Variants in KLHL32 observed in about 807,000 individuals in gnomAD.
KLHL32 encodes the protein kelch-like protein 32.
KLHL32 carries 35 observed loss-of-function variants against 64.8 expected under a neutral mutation model. The observed-to-expected ratio is 0.54, with a 90% CI of 0.41 to 0.72. The LOEUF (loss-of-function observed/expected upper bound fraction) is 0.72, where lower values mean the gene tolerates loss of function less well. KLHL32 is among the 30% of genes least tolerant of loss of function. The probability of loss-of-function intolerance (pLI) is 0.00; values close to 1 mark genes in which losing one functional copy is unlikely to be tolerated. For missense variants in KLHL32, 589 were observed against 768.5 expected (o/e 0.77, Z 2.76); for synonymous variants, 259 against 281.0 (o/e 0.92, Z 0.78).
intron 3 of KLHL32, among the ~76,000 whole-genome samples, chr6:96,988,758 G>T (rs1253098705): frequency 6.6e-6 from 1 of 152,158 alleles, no homozygotes; most frequent in Non-Finnish European, 1.5e-5. Context: ...TATACACCAT[G>T]GAATACTATG....
intron 4 of KLHL32, among the ~76,000 whole-genome samples, chr6:97,050,307 AC>A (rs1197065526): frequency 6.6e-6 from 1 of 152,200 alleles, no homozygotes; most frequent in African/African-American, 2.4e-5. Context: ...GGATGTTGAG[AC>A]TGATAATGCC....
At chr6:97,077,767 A>G (rs1029312928) in intron 5 of KLHL32, among the ~76,000 whole-genome samples, 1 of 152,186 alleles carries the variant, frequency 6.6e-6, no homozygotes, top group African/African-American at 2.4e-5. Flanking sequence ...AAAGTCATAG[A>G]TGTGCCTCAC....
At chr6:96,991,107 G>C (rs1478573767) in intron 3 of KLHL32, among the ~76,000 whole-genome samples, 2 of 151,962 alleles carry the variant, frequency 1.3e-5, no homozygotes, top group African/African-American at 4.8e-5. Flanking sequence ...CCTTATGGCG[G>C]TTTTGGTGCT....
rs751246743 is a variant in KLHL32 at position 97,041,616 on chromosome 6, G to A, written c.312+17G>A. ...ACAGGACAGGTATGGTATTAAATGT[G>A]ATCTGTAAAGTTTAACATTTCAACT... On this transcript the variant is annotated intron_variant, in intron 4 of 10. Coordinates refer to ENST00000369261, the MANE Select transcript of KLHL32 (RefSeq NM_052904.4). 1 of 1,449,234 alleles carries A rather than the reference G, an allele frequency of 6.9e-7. No individual in the cohort carries two copies. The highest frequency in any genetic ancestry group is 1.1e-5 in the South Asian group (1 of 87,168). The allele number at this position is 1,449,234 out of a possible 1,614,324, so 89.8% of individuals were successfully genotyped here. A position where few individuals can be genotyped will look rare whatever the true frequency, so the allele number is the denominator to read the frequency against.
intron 9 of KLHL32, 101 bp downstream of exon 9, chr6:97,131,050 A>G: frequency 4.2e-6 from 4 of 957,778 alleles, no homozygotes; most frequent in Non-Finnish European, 6.3e-6. Flanking sequence ...TTAAGTGCAT[A>G]GTTGTAGAAG....
chr6:97,023,718 C>T (rs1782326014), intron 3 of KLHL32, among the ~76,000 whole-genome samples: 1 of 152,198 alleles, frequency 6.6e-6, no homozygotes, highest in Admixed American at 6.5e-5. Context: ...ATCCAGCTGG[C>T]CTAGTTCTAC....
chr6:97,040,992 C>G (rs887583255), intron 3 of KLHL32, among the ~76,000 whole-genome samples: 1 of 152,186 alleles, frequency 6.6e-6, no homozygotes, highest in Non-Finnish European at 1.5e-5. Flanking sequence ...AAACCTCTTT[C>G]CTTTATAAGT....
At chr6:96,976,213 A>T in intron 3 of KLHL32, 36 bp downstream of exon 3, 1 of 1,493,150 alleles carries the variant, frequency 6.7e-7, no homozygotes. Flanking sequence ...TAAAATATTG[A>T]TAAAGAGAGG....
intron 3 of KLHL32, among the ~76,000 whole-genome samples, chr6:96,986,855 G>A (rs950227504): frequency 6.6e-6 from 1 of 152,294 alleles, no homozygotes; most frequent in African/African-American, 2.4e-5. Flanking sequence ...TTCAGCTCAT[G>A]CTTGGTGCAC....
chr6:97,094,373 C>G (rs1040218999), intron 6 of KLHL32, among the ~76,000 whole-genome samples: 23 of 152,256 alleles, frequency 1.5e-4, no homozygotes, highest in African/African-American at 5.3e-4. Flanking sequence ...TACTGACTTC[C>G]TTAGAAGTGC....
chr6:96,933,972 CTG>C (rs1396417714), intron 1 of KLHL32, among the ~76,000 whole-genome samples: 1 of 152,206 alleles, frequency 6.6e-6, no homozygotes, highest in Non-Finnish European at 1.5e-5. Flanking sequence ...CTTCAGAACT[CTG>C]TGCCTAAGTC....
intron 6 of KLHL32, among the ~76,000 whole-genome samples, chr6:97,109,388 C>G (rs1023510428): frequency 1.4e-4 from 21 of 152,090 alleles, no homozygotes; most frequent in African/African-American, 4.3e-4. Flanking sequence ...AAAATGCAAA[C>G]TAATAGTTAT....
intron 9 of KLHL32, among the ~76,000 whole-genome samples, 165 bp from the exon 10 acceptor site, chr6:97,132,488 T>G (rs545737488): frequency 6.6e-6 from 1 of 152,046 alleles, no homozygotes; most frequent in Non-Finnish European, 1.5e-5. Context: ...GAAATAGTGC[T>G]TAATTTTTCT....
the KLHL32 span, among the ~76,000 whole-genome samples, chr6:96,912,121 C>T: frequency 1.3e-5 from 2 of 152,074 alleles, no homozygotes; most frequent in Admixed American, 1.3e-4. Context: ...GCTCTTTCTC[C>T]TGTGTCCCTT....
At chr6:96,904,134 G>C in the KLHL32 span, among the ~76,000 whole-genome samples, 1 of 151,984 alleles carries the variant, frequency 6.6e-6, no homozygotes, top group Non-Finnish European at 1.5e-5. Context: ...CTGAGGTCAG[G>C]AGATTGAGAC....
intron 6 of KLHL32, among the ~76,000 whole-genome samples, chr6:97,111,672 T>G (rs988657868): frequency 9.8e-5 from 15 of 152,324 alleles, no homozygotes; most frequent in Admixed American, 5.2e-4. Context: ...GGCTTAAATA[T>G]TAACAGCTCA....
chr6:96,991,364 G>A (rs1418255942), intron 3 of KLHL32, among the ~76,000 whole-genome samples: 1 of 152,056 alleles, frequency 6.6e-6, no homozygotes, highest in East Asian at 1.9e-4. Flanking sequence ...AGAGACATTG[G>A]GTTTCTCTCC....
intron 5 of KLHL32, among the ~76,000 whole-genome samples, chr6:97,067,397 G>A (rs776157692): frequency 2.0e-5 from 3 of 152,192 alleles, no homozygotes; most frequent in Non-Finnish European, 4.4e-5. Flanking sequence ...CAAAGCATGT[G>A]TGTGGGAAAA....
chr6:97,048,088 G>A (rs1616962), intron 4 of KLHL32, among the ~76,000 whole-genome samples: 26,094 of 152,110 alleles, frequency 0.17, 2,607 homozygotes, highest in African/African-American at 0.29. Flanking sequence ...CTTAATTTCC[G>A]GAGAGCTCTC....
Sources: allele counts gnomAD v4.1 joint callset (sites outside exome capture counted in the v4.1 genomes callset), GRCh38; gene constraint gnomAD v4.1.1; transcripts MANE v1.5; gene names NCBI Gene and HGNC (gene_info 2026-07-23, HGNC 2026-07-21).